Variants in SOX13 observed in about 807,000 individuals in gnomAD.
SOX13 encodes the protein transcription factor SOX-13.
Under a neutral mutation model 71.8 loss-of-function variants are expected in SOX13, and 28 were observed. That is an observed-to-expected ratio of 0.39 (90% CI 0.29 to 0.53). The LOEUF (loss-of-function observed/expected upper bound fraction) is 0.53, where lower values mean the gene tolerates loss of function less well. Among genes scored for constraint, SOX13 ranks in the 20% least tolerant of loss-of-function variants. The pLI, the probability that SOX13 is intolerant of heterozygous loss-of-function variation, is 0.70. For missense variants in SOX13, 627 were observed against 810.3 expected, an observed-to-expected ratio of 0.77 and a Z score of 2.75; for synonymous variants, 309 against 317.8, an observed-to-expected ratio of 0.97 and a Z score of 0.29.
In SOX13 at chr1:204,126,537, TCCC is replaced by T; in HGVS notation, c.*404_*406del. On this transcript the variant is annotated 3_prime_UTR_variant, in exon 14 of 14. Coordinates refer to ENST00000367204, the MANE Select transcript of SOX13 (RefSeq NM_005686.3). ...CCAGCCACTGTGGGACCAACACCCC[TCCC>T]ACACTCCCCCAGACTGCTCGTCTAT... 8.6e-5 allele frequency: 21 copies of T among 244,006 alleles called. No homozygotes were observed. The highest frequency in any genetic ancestry group is 1.4e-4 in the Non-Finnish European group (17 of 123,956). The allele number at this position is 244,006 out of a possible 1,614,324, so 15.1% of individuals were successfully genotyped here. A position where few individuals can be genotyped will look rare whatever the true frequency, so the allele number is the denominator to read the frequency against.
intron 1 of SOX13, chr1:204,074,456 G>C (rs1655743128): frequency 6.6e-6 from 1 of 151,934 alleles, no homozygotes; most frequent in African/African-American, 2.4e-5. Context: ...GATGCGGAGC[G>C]GGTAGTCGTT....
rs571608745 is a variant in SOX13, at chr1:204,100,194, A to G, written c.-1-12721A>G. ...CTTTCACCACATACTAGTGTGACTC[A>G]GCCAGTTGTTTGTGGCTGGCAACTG... On this transcript the variant is annotated intron_variant, in intron 1 of 13. Transcript: ENST00000367204. 8.1e-4 allele frequency among the ~76,000 whole-genome samples: 124 copies of G among 152,366 alleles called. 1 individual carries two copies. The highest frequency in any genetic ancestry group is 2.9e-3 in the African/African-American group (120 of 41,588).
intron 1 of SOX13, among the ~76,000 whole-genome samples, chr1:204,109,258 G>A (rs1221911991): frequency 6.6e-6 from 1 of 152,222 alleles, no homozygotes; most frequent in Non-Finnish European, 1.5e-5. Flanking sequence ...CTTTGAAAGT[G>A]GGTGAGCAGG....
intron 1 of SOX13, among the ~76,000 whole-genome samples, chr1:204,098,739 G>A (rs887862216): frequency 1.2e-4 from 18 of 152,182 alleles, no homozygotes; most frequent in African/African-American, 4.3e-4. Context: ...TGAATGTAAG[G>A]GGAGTCAGGG....
intron 1 of SOX13, among the ~76,000 whole-genome samples, chr1:204,109,792 C>T (rs960536863): frequency 2.0e-5 from 3 of 152,006 alleles, no homozygotes; most frequent in African/African-American, 4.8e-5. Flanking sequence ...CACATCCTCC[C>T]GTATACCTTG....
intron 1 of SOX13, among the ~76,000 whole-genome samples, chr1:204,092,903 C>T (rs1656175847): frequency 3.3e-5 from 1 of 30,466 alleles, no homozygotes; most frequent in Middle Eastern, 0.024. Flanking sequence ...TGTGTTTCCG[C>T]TTCCTAACTG....
At position 204,113,070 on chromosome 1, in the gene SOX13, C is replaced by G. The variant is rs2102254151; in HGVS notation, c.155C>G (p.Ala52Gly). 6.2e-7 allele frequency: 1 copy of G among 1,602,260 alleles called. No individual in the cohort carries two copies. Among genetic ancestry groups the G allele is most frequent in the Non-Finnish European group, 8.5e-7 (1 of 1,174,966 alleles). The change falls in exon 2 of 14, where the codon GCC (alanine) becomes GGC (glycine). Residue 52 changes from alanine (A) to glycine (G), a missense_variant. This residue lies in a region of SOX13 where 447 missense variants were observed against 532.2 expected (regional missense o/e 0.84). Transcript: ENST00000367204. ...TAAEPQPGDPARASQDSADPQ... is the reference protein window; with the variant it reads ...TAAEPQPGDPGRASQDSADPQ... ...GCTGAACCTCAGCCTGGAGACCCAG[C>G]CCGGGCCTCCCAGGATAGTGCTGAC...
At chr1:204,096,037 G>A (rs976313292) in intron 1 of SOX13, among the ~76,000 whole-genome samples, 3 of 152,112 alleles carry the variant, frequency 2.0e-5, no homozygotes, top group Non-Finnish European at 2.9e-5. Flanking sequence ...TCCATTGCAT[G>A]TATATATCAT....
intron 1 of SOX13, among the ~76,000 whole-genome samples, chr1:204,098,431 A>T (rs968975105): frequency 6.6e-6 from 1 of 152,036 alleles, no homozygotes; most frequent in Non-Finnish European, 1.5e-5. Context: ...GTGAGCTGAG[A>T]TGGTGCCACT....
chr1:204,117,952 G>C (rs925508737), intron 7 of SOX13: 1 of 525,214 alleles, frequency 1.9e-6, no homozygotes, highest in Non-Finnish European at 3.4e-6. Flanking sequence ...TCCAGGTCTA[G>C]TCTCTCCAAC....
At chr1:204,091,223 C>T (rs903038902) in intron 1 of SOX13, among the ~76,000 whole-genome samples, 1 of 152,156 alleles carries the variant, frequency 6.6e-6, no homozygotes, top group Non-Finnish European at 1.5e-5. Context: ...AGGGCTGCCA[C>T]CCTGGGAAAA....
intron 1 of SOX13, among the ~76,000 whole-genome samples, chr1:204,108,536 G>T (rs1656514971): frequency 6.6e-6 from 1 of 152,246 alleles, no homozygotes. Context: ...GCTCCTGGAG[G>T]CTGTGGCTGC....
chr1:204,100,624 A>G (rs1375351503), intron 1 of SOX13, among the ~76,000 whole-genome samples: 5 of 152,194 alleles, frequency 3.3e-5, no homozygotes, highest in Non-Finnish European at 7.3e-5. Context: ...GAAAAAGAAA[A>G]CTTGCTTTAG....
chr1:204,096,238 C>CTTTTT (rs1491344524), intron 1 of SOX13, among the ~76,000 whole-genome samples: 6 of 61,242 alleles, frequency 9.8e-5, no homozygotes, highest in Admixed American at 2.0e-4. Flanking sequence ...TTCTTTCTTT[C>CTTTTT]GTTTTTTTTT....
At chr1:204,118,931 TGATTCTAGCA>T (rs1172321687) in intron 7 of SOX13, 5 of 151,972 alleles carry the variant, frequency 3.3e-5, no homozygotes, top group African/African-American at 1.2e-4. Context: ...ACCTGCTAGG[TGATTCTAGCA>T]GCAGGGGATG....
intron 1 of SOX13, among the ~76,000 whole-genome samples, chr1:204,079,972 A>G (rs566649327): frequency 6.6e-6 from 1 of 152,304 alleles, no homozygotes; most frequent in South Asian, 2.1e-4. Flanking sequence ...CTGGGTGTGC[A>G]CAGGGTGTGC....
intron 1 of SOX13, among the ~76,000 whole-genome samples, chr1:204,093,360 T>C (rs1045845739): frequency 6.6e-6 from 1 of 152,170 alleles, no homozygotes; most frequent in Admixed American, 6.5e-5. Flanking sequence ...TTACATATAG[T>C]TTTGAGGGGC....
chr1:204,075,492 G>A (rs964103547), intron 1 of SOX13, among the ~76,000 whole-genome samples: 6 of 152,250 alleles, frequency 3.9e-5, no homozygotes, highest in African/African-American at 1.4e-4. Context: ...GATGAGCAGC[G>A]TGGGTTTGGA....
At chr1:204,088,112 G>A (rs1656061614) in intron 1 of SOX13, among the ~76,000 whole-genome samples, 1 of 152,222 alleles carries the variant, frequency 6.6e-6, no homozygotes, top group African/African-American at 2.4e-5. Context: ...GACAGTCACA[G>A]GGAACCATCC....
Sources: gnomAD v4.1 joint callset for allele counts (sites outside exome capture counted in the v4.1 genomes callset) on GRCh38, gnomAD v4.1.1 for gene constraint, gnomAD v4.1.1 regional missense constraint, MANE v1.5 for transcripts, NCBI Gene and HGNC (gene_info 2026-07-23, HGNC 2026-07-21) for gene names.